The following HTT variants were observed in gnomAD, a reference collection of about 807,000 sequenced individuals.
HTT encodes huntingtin.
HTT carries 104 observed loss-of-function variants against 362.3 expected under a neutral mutation model. That is an observed-to-expected ratio of 0.29 (90% CI 0.24 to 0.34). The LOEUF (loss-of-function observed/expected upper bound fraction) is 0.34. Ranked by LOEUF, HTT falls within the 10% of genes least tolerant of loss-of-function variation. The pLI is 1.00. For missense variants in HTT, 3,301 were observed against 3,928.6 expected (o/e 0.84, Z 4.27); for synonymous variants, 1,577 against 1,548.7 (o/e 1.02, Z -0.43).
chr4:3,150,656 C>T (rs913741332), intron 26 of HTT, among the ~76,000 whole-genome samples: 8 of 152,142 alleles, frequency 5.3e-5, no homozygotes, highest in Non-Finnish European at 8.8e-5. Flanking sequence ...AAATATTTTG[C>T]GAGAAGAAAG....
At chr4:3,125,172 A>G (rs1035352122) in intron 10 of HTT, among the ~76,000 whole-genome samples, 2 of 152,190 alleles carry the variant, frequency 1.3e-5, no homozygotes, top group South Asian at 2.1e-4. Flanking sequence ...GAGCTATGAC[A>G]TGAATATTTC....
At chr4:3,080,086 C>G (rs1712807583) in intron 1 of HTT, among the ~76,000 whole-genome samples, 1 of 152,042 alleles carries the variant, frequency 6.6e-6, no homozygotes, top group African/African-American at 2.4e-5. Context: ...GTTAAGGAAC[C>G]CAGGCTCTTT....
chr4:3,235,542 C>A (rs1466140164), intron 62 of HTT, 23 bp from the exon 63 acceptor site: 1 of 1,608,350 alleles, frequency 6.2e-7, no homozygotes, highest in Non-Finnish European at 8.5e-7. Context: ...TTCTTTGACA[C>A]AGAGGCCTTT....
At position 3,212,655 on chromosome 4, in the gene HTT, C is replaced by T. The variant is rs753807442; in HGVS notation, c.6720C>T (p.His2240=). ...VVVSKLPSHL[H]LPPEKEKDIV... is the part of the protein sequence containing the mutation. The stretch of plus-strand genomic sequence containing the variant: ...TCTCCAAACTGCCCAGTCATTTGCA[C>T]CTTCCTCCTGAGAAAGAGAAGGACA... The change falls in exon 49 of 67, where the codon CAC becomes CAT. Residue 2240 remains histidine (H), a synonymous_variant. Coordinates refer to ENST00000355072, the MANE Select transcript of HTT (RefSeq NM_001388492.1). The T allele has an allele frequency of 3.7e-6, 6 of 1,614,220 alleles. No homozygotes were observed. The South Asian group carries it at 4.4e-5, about 12-fold the overall frequency.
rs990357415 is a variant in HTT at position 3,218,884 on chromosome 4, A to C, written c.7242+932A>C. Reference sequence around the variant, plus strand: ...GGTGTAGGTCAGGGAGAATGGAGCCAGGTCCCAGGGAAGAGGCTTGTGGCT... The same window carrying C: ...GGTGTAGGTCAGGGAGAATGGAGCCCGGTCCCAGGGAAGAGGCTTGTGGCT... On this transcript the variant is annotated intron_variant, in intron 52 of 66. Coordinates refer to ENST00000355072, the MANE Select transcript of HTT (RefSeq NM_001388492.1). This position sits in a 1 kb window ranked among gnomAD's most constrained non-coding sequence, Gnocchi z 4.4. 6.6e-6 allele frequency among the ~76,000 whole-genome samples: 1 copy of C among 152,128 alleles called. No individual in the cohort carries two copies. Among genetic ancestry groups the C allele is most frequent in the Non-Finnish European group, 1.5e-5 (1 of 68,010 alleles).
rs541432944 is a variant in HTT, at chr4:3,089,701, C to T, written c.347+2679C>T. On this transcript the variant is annotated intron_variant, in intron 2 of 66. Coordinates refer to ENST00000355072, the MANE Select transcript of HTT (RefSeq NM_001388492.1). ...AATAAGATCTCTTTCAATCTGAGTG[C>T]GTCAGGCTTTATTCTTGTCATTTTG... Among the ~76,000 whole-genome samples the T allele has an allele frequency of 1.2e-4, 18 of 152,298 alleles. No individual in the cohort carries two copies. In the East Asian group the frequency reaches 2.7e-3, roughly 23 times the overall value.
At chr4:3,158,144 CA>C (rs1010464879) in intron 28 of HTT, among the ~76,000 whole-genome samples, 3 of 152,154 alleles carry the variant, frequency 2.0e-5, no homozygotes, top group Admixed American at 2.0e-4. Context: ...CCACCACACC[CA>C]GCTAATTTTT....
chr4:3,166,224 C>T (rs977721278), intron 29 of HTT, among the ~76,000 whole-genome samples: 1 of 152,220 alleles, frequency 6.6e-6, no homozygotes, highest in African/African-American at 2.4e-5. Flanking sequence ...CCCTGTTTGC[C>T]TGGGCATCAC....
rs1471495059 is a variant in HTT at position 3,208,817 on chromosome 4, C to T, written c.6197C>T (p.Thr2066Ile). 4 of 1,614,086 alleles carry T rather than the reference C, an allele frequency of 2.5e-6. No individual in the cohort carries two copies. The South Asian group carries it at 3.3e-5, about 13-fold the overall frequency. Reference protein sequence around the residue: ...YSLLDRFRLSTMQDSLSPSPP... With the variant: ...YSLLDRFRLSIMQDSLSPSPP... ...CTGCTGGACAGGTTTCGTCTCTCCA[C>T]CATGCAAGACTCACTTAGTCCCTCT... The change falls in exon 46 of 67, where the codon ACC becomes ATC. Residue 2066 changes from threonine (T) to isoleucine (I), a missense_variant. Thr to Ile is a moderately conservative substitution (Grantham distance 89). Around this residue, in one of 4 missense-constraint regions of HTT, gnomAD observed 2,316 missense variants for 2,658.5 expected, o/e 0.87. Coordinates refer to ENST00000355072, the MANE Select transcript of HTT (RefSeq NM_001388492.1).
Position 3,155,201 on chromosome 4 carries a change from C to CTATT in HTT, c.3625+800_3625+803dup, listed in dbSNP as rs202108471. Among the ~76,000 whole-genome samples, 658 of 151,628 alleles carry CTATT rather than the reference C, an allele frequency of 4.3e-3. 8 individuals carry two copies. Among genetic ancestry groups the CTATT allele is most frequent in the Admixed American group, 0.027 (417 of 15,210 alleles). ...TGTGTATATAGCATTTATATCAAGG[C>CTATT]TATTTATTTATTTATTTATTTTATT... On this transcript the variant is annotated intron_variant, in intron 27 of 66. Coordinates refer to ENST00000355072, the MANE Select transcript of HTT (RefSeq NM_001388492.1).
chr4:3,238,708 C>A, intron 65 of HTT, 99 bp downstream of exon 65: 1 of 1,460,988 alleles, frequency 6.8e-7, no homozygotes, highest in Non-Finnish European at 9.3e-7. Flanking sequence ...AGCTCCTCCG[C>A]TTTAAAGCAG....
At chr4:3,198,704 GGAGAGGATA>G (rs1055622297) in intron 40 of HTT, among the ~76,000 whole-genome samples, 4 of 152,240 alleles carry the variant, frequency 2.6e-5, no homozygotes, top group African/African-American at 9.6e-5. Context: ...TTTATCCAAA[GGAGAGGATA>G]GAATGAAGTC....
chr4:3,158,521 A>G (rs1447322438), intron 28 of HTT, among the ~76,000 whole-genome samples: 1 of 152,180 alleles, frequency 6.6e-6, no homozygotes, highest in Non-Finnish European at 1.5e-5. Flanking sequence ...CCTCAGAAGC[A>G]CATGAAATTT....
chr4:3,079,242 G>C (rs1434684924), intron 1 of HTT, among the ~76,000 whole-genome samples: 3 of 144,030 alleles, frequency 2.1e-5, no homozygotes, highest in East Asian at 2.1e-4. Context: ...CCACTGAGAA[G>C]ACAGCTTTTT....
At chr4:3,134,881 C>T (rs537547491) in intron 19 of HTT, among the ~76,000 whole-genome samples, 1 of 152,066 alleles carries the variant, frequency 6.6e-6, no homozygotes, top group Non-Finnish European at 1.5e-5. Context: ...AGGTGTGTGC[C>T]GTCACACTGG....
rs1720611940 is a variant in HTT, at chr4:3,220,235, C to T, written c.7296C>T (p.Phe2432=). ...PKPGGDFGTA[F]PEIPVEFLQE... ...CGGGAGGGGATTTTGGCACAGCATT[C>T]CCTGAGATCCCCGTGGAGTTCCTCC... Residue 2432 remains phenylalanine (F), a synonymous_variant, in exon 53 of 67, where the codon TTC becomes TTT. Transcript: ENST00000355072. The T allele has an allele frequency of 6.2e-7, 1 of 1,613,984 alleles. No homozygotes were observed. Among genetic ancestry groups the T allele is most frequent in the African/African-American group, 1.3e-5 (1 of 74,912 alleles).
Position 3,213,940 on chromosome 4 carries a change from C to T in HTT, c.6775-18C>T. On this transcript the variant is annotated intron_variant, in intron 49 of 66. Coordinates refer to ENST00000355072, the MANE Select transcript of HTT (RefSeq NM_001388492.1). ...AGGTACACGAGTGGGCATTCTGTGA[C>T]TCGGTACTTCCCTTTAGGCCCTGTC... is the stretch of plus-strand genomic sequence containing the variant. The T allele has an allele frequency of 1.3e-6, 2 of 1,509,636 alleles. No individual in the cohort carries two copies. Among genetic ancestry groups the T allele is most frequent in the Non-Finnish European group, 8.9e-7 (1 of 1,119,580 alleles). 93.5% of individuals were successfully genotyped at this position (1,509,636 alleles called of 1,614,324 possible).
chr4:3,224,709 A>G (rs1720829200), intron 56 of HTT, among the ~76,000 whole-genome samples: 2 of 152,194 alleles, frequency 1.3e-5, no homozygotes, highest in Non-Finnish European at 2.9e-5. Context: ...ATTTTAGCGT[A>G]GAGCTCTGTG....
intron 64 of HTT, 139 bp downstream of exon 64, chr4:3,236,393 G>T: frequency 1.4e-6 from 1 of 696,638 alleles, no homozygotes; most frequent in Non-Finnish European, 2.6e-6. Flanking sequence ...GCCTGACCAT[G>T]GGCTGCCTTG....
Sources: allele counts gnomAD v4.1 joint callset (sites outside exome capture counted in the v4.1 genomes callset), GRCh38; gene constraint gnomAD v4.1.1; regional missense constraint gnomAD v4.1.1; non-coding constraint Gnocchi (gnomAD v3.1); transcripts MANE v1.5; gene names NCBI Gene and HGNC (gene_info 2026-07-23, HGNC 2026-07-21).